Variants in RHPN1 observed in about 807,000 individuals in gnomAD.
The protein encoded by RHPN1 is rhophilin Rho GTPase binding protein 1.
A neutral mutation model predicts 74.7 loss-of-function variants in RHPN1; 77 were observed. The observed-to-expected ratio is 1.03, with a 90% CI of 0.86 to 1.25. RHPN1 has a LOEUF of 1.25. Among genes scored for constraint, RHPN1 ranks in the 50% most tolerant of loss-of-function variants. The probability of loss-of-function intolerance (pLI) is 0.00; values close to 1 mark genes in which losing one functional copy is unlikely to be tolerated. For missense variants in RHPN1, 987 were observed against 932.2 expected, an observed-to-expected ratio of 1.06 and a Z score of -0.77; for synonymous variants, 444 against 414.5, an observed-to-expected ratio of 1.07 and a Z score of -0.87.
In RHPN1 at chr8:143,369,992, C is replaced by CCGAGG. The variant is rs548997790; in HGVS notation, c.60+948_60+952dup. Among the ~76,000 whole-genome samples, 210 of 152,354 alleles carry CCGAGG rather than the reference C, an allele frequency of 1.4e-3. 3 individuals carry two copies. In the East Asian group the frequency reaches 0.032, roughly 23 times the overall value. The stretch of plus-strand genomic sequence containing the variant: ...CTCAAGGACGCCCTTCTTGCCCACC[C>CCGAGG]CGAGGCGTGCCAGAGGCTGCAGCAC... On this transcript the variant is annotated intron_variant, in intron 1 of 14. Coordinates refer to ENST00000289013, the MANE Select transcript of RHPN1 (RefSeq NM_052924.3).
intron 1 of RHPN1, among the ~76,000 whole-genome samples, chr8:143,372,066 C>G (rs1029132992): frequency 6.6e-6 from 1 of 152,206 alleles, no homozygotes; most frequent in Non-Finnish European, 1.5e-5. Flanking sequence ...AGGCCCACAG[C>G]AGGTGCCTGT....
rs1262956389 is a variant in RHPN1, at chr8:143,378,821, G to C, written c.584+1G>C. The C allele has an allele frequency of 1.9e-6, 3 of 1,565,152 alleles. No individual in the cohort carries two copies. On this transcript the variant is annotated splice_donor_variant, in intron 6 of 14. Coordinates refer to ENST00000289013, the MANE Select transcript of RHPN1 (RefSeq NM_052924.3). LOFTEE classifies it high-confidence loss of function. The stretch of plus-strand genomic sequence containing the variant: ...GGAGCCTCGGGCTCTTCTTCCACTG[G>C]TAGGGGCTCTGCGGGCGGAGGCACC...
chr8:143,369,604 G>A (rs1359073052), intron 1 of RHPN1, among the ~76,000 whole-genome samples: 1 of 152,178 alleles, frequency 6.6e-6, no homozygotes, highest in Non-Finnish European at 1.5e-5. Flanking sequence ...GGAGGGGTGG[G>A]CAGGGCTGTG....
intron 1 of RHPN1, among the ~76,000 whole-genome samples, chr8:143,372,589 C>T (rs1203507946): frequency 2.0e-5 from 3 of 151,902 alleles, no homozygotes; most frequent in African/African-American, 7.3e-5. Context: ...GTGTCCCTCC[C>T]TCCAGCTGCC....
At chr8:143,378,398 C>T in intron 5 of RHPN1, 52 bp downstream of exon 5, 1 of 1,362,550 alleles carries the variant, frequency 7.3e-7, no homozygotes, top group African/African-American at 1.5e-5. Context: ...GAGACACATG[C>T]GGAGGCTGAA....
In RHPN1 at chr8:143,376,661, T is replaced by G. The variant is rs576576118; in HGVS notation, c.305+8T>G. 1.2e-4 allele frequency: 182 copies of G among 1,557,496 alleles called. 1 individual carries two copies. In the African/African-American group the frequency reaches 2.4e-3, roughly 20 times the overall value. ...CCCTGGCCGGCATGGGAGGTGCGGGTGGGGGCCGGGACAGCACGTGCGTGT... is the reference window on the plus strand; with the variant it reads ...CCCTGGCCGGCATGGGAGGTGCGGGGGGGGGCCGGGACAGCACGTGCGTGT... On this transcript the variant is annotated splice_region_variant and intron_variant, in intron 3 of 14. Coordinates refer to ENST00000289013, the MANE Select transcript of RHPN1 (RefSeq NM_052924.3).
intron 1 of RHPN1, among the ~76,000 whole-genome samples, chr8:143,375,073 A>G (rs2130563886): frequency 6.6e-6 from 1 of 152,274 alleles, no homozygotes; most frequent in South Asian, 2.1e-4. Context: ...CTTTGAGCCC[A>G]CGCCTAAACC....
At position 143,379,323 on chromosome 8, in the gene RHPN1, A is replaced by G. The variant is rs1818523000; in HGVS notation, c.760A>G (p.Ser254Gly). ...EAFQRAAGAF[S>G]LLRENFSHAP... is the part of the protein sequence containing the mutation. ...CACCCCTCCCTCCGCAGGGGCCTTC[A>G]GCCTCCTGAGGGAGAACTTCTCCCA... Residue 254 changes from serine to glycine, a missense_variant, in exon 8 of 15, where the codon AGC (serine) becomes GGC (glycine). Physicochemically the swap from Ser to Gly is moderately conservative, Grantham distance 56. Coordinates refer to ENST00000289013, the MANE Select transcript of RHPN1 (RefSeq NM_052924.3). 6.3e-7 allele frequency: 1 copy of G among 1,590,172 alleles called. No homozygotes were observed. Among genetic ancestry groups the G allele is most frequent in the African/African-American group, 1.3e-5 (1 of 74,512 alleles).
intron 2 of RHPN1, among the ~76,000 whole-genome samples, chr8:143,376,304 G>A (rs2130571138): frequency 6.6e-6 from 1 of 152,364 alleles, no homozygotes; most frequent in East Asian, 1.9e-4. Flanking sequence ...GAACATGCAG[G>A]TGCTGGGGTC....
At chr8:143,378,881 G>A in intron 6 of RHPN1, 31 bp from the exon 7 acceptor site, 1 of 1,578,600 alleles carries the variant, frequency 6.3e-7, no homozygotes, top group South Asian at 1.2e-5. Context: ...GGAACCGTGG[G>A]AACTCCACCC....
Position 143,381,890 on chromosome 8 carries a change from G to A in RHPN1, c.1719G>A (p.Thr573=), listed in dbSNP as rs200199618. ...GGTGGAGACACGCGGAGGTGGTGAC[G>A]GAGCTGAAGGCTGCGGGAGAGGCGG... ...CRWWRHAEVV[T]ELKAAGEAGA... The change falls in exon 14 of 15, where the codon ACG becomes ACA. Residue 573 remains threonine (T), a synonymous_variant. Transcript: ENST00000289013. The A allele has an allele frequency of 6.9e-4, 1,119 of 1,612,880 alleles. 7 individuals carry two copies. In the African/African-American group the frequency reaches 0.012, roughly 17 times the overall value.
chr8:143,378,458 G>A (rs183937566), intron 5 of RHPN1, 112 bp downstream of exon 5: 94 of 1,043,604 alleles, frequency 9.0e-5, no homozygotes, highest in African/African-American at 8.6e-4. Context: ...TCTCGAGGAC[G>A]TGGGGAGACG....
In RHPN1 at chr8:143,380,793, C is replaced by A; in HGVS notation, c.1411+10C>A. On this transcript the variant is annotated intron_variant, in intron 11 of 14. Coordinates refer to ENST00000289013, the MANE Select transcript of RHPN1 (RefSeq NM_052924.3). ...GCCCCGGACATCCAGCGTGAGCAGCCAGGGCCTGTCTGGGTGGCTGCATCC... is the reference window on the plus strand; with the variant it reads ...GCCCCGGACATCCAGCGTGAGCAGCAAGGGCCTGTCTGGGTGGCTGCATCC... 6.5e-7 allele frequency: 1 copy of A among 1,538,566 alleles called. No homozygotes were observed. The highest frequency in any genetic ancestry group is 8.8e-7 in the Non-Finnish European group (1 of 1,136,784).
chr8:143,377,580 G>A, intron 4 of RHPN1, 125 bp downstream of exon 4: 2 of 668,280 alleles, frequency 3.0e-6, no homozygotes, highest in South Asian at 2.0e-5. Context: ...AGGGAGGGAG[G>A]CTTAAAAGGG....
chr8:143,378,941 A>G lies in RHPN1; in HGVS notation c.614A>G (p.Gln205Arg). The G allele has an allele frequency of 6.3e-7, 1 of 1,581,604 alleles. No individual in the cohort carries two copies. The highest frequency in any genetic ancestry group is 8.6e-7 in the Non-Finnish European group (1 of 1,164,756). ...GACTCGCTTACTGGGGTCCCGGCCC[A>G]GCAGCGTGCCCTGGCCTTCGAGAAG... is the stretch of plus-strand genomic sequence containing the variant. ...WYDSLTGVPA[Q>R]QRALAFEKGS... Residue 205 changes from glutamine (Q) to arginine (R), a missense_variant, in exon 7 of 15, where the codon CAG becomes CGG. By Grantham distance (43) the Gln-to-Arg change is conservative. Transcript: ENST00000289013.
chr8:143,380,643 ACGCCCTGTGCCG>A lies in RHPN1; in HGVS notation c.1274_1285del (p.Ala425_Arg428del), dbSNP rs761081510. 1 of 1,562,018 alleles carries A rather than the reference ACGCCCTGTGCCG, an allele frequency of 6.4e-7. No homozygotes were observed. Among genetic ancestry groups the A allele is most frequent in the East Asian group, 2.4e-5 (1 of 41,800 alleles). On this transcript the variant is annotated inframe_deletion, in exon 11 of 15. Transcript: ENST00000289013. ...GGGCAGGAGGAGGCGCTGCGGCTGCACGCCCTGTGCCGCGTCCTGCGCGAGGTGGACCTGCTT... is the reference window on the plus strand; with the variant it reads ...GGGCAGGAGGAGGCGCTGCGGCTGCACGTCCTGCGCGAGGTGGACCTGCTT...
chr8:143,379,710 A>G (rs1818567856), intron 8 of RHPN1, 119 bp from the exon 9 acceptor site: 7 of 1,458,394 alleles, frequency 4.8e-6, no homozygotes, highest in Admixed American at 4.8e-5. Context: ...AGCAGCAGGA[A>G]CTGAGGTGCC....
chr8:143,376,167 A>T (rs922778492), intron 2 of RHPN1, among the ~76,000 whole-genome samples: 5 of 152,196 alleles, frequency 3.3e-5, no homozygotes, highest in African/African-American at 9.6e-5. Flanking sequence ...CCAGGCCCTG[A>T]TGCAGGCACA....
chr8:143,371,568 C>T (rs1817822658), intron 1 of RHPN1, among the ~76,000 whole-genome samples: 1 of 152,126 alleles, frequency 6.6e-6, no homozygotes. Context: ...TTGCCCGTCC[C>T]CAGGTCAGCC....
Sources: gnomAD v4.1 joint callset for allele counts (sites outside exome capture counted in the v4.1 genomes callset) on GRCh38, gnomAD v4.1.1 for gene constraint, MANE v1.5 for transcripts, NCBI Gene and HGNC (gene_info 2026-07-23, HGNC 2026-07-21) for gene names.